Variants in CASP9 observed in about 807,000 individuals in gnomAD.
CASP9 encodes the protein caspase 9.
A neutral mutation model predicts 43.5 loss-of-function variants in CASP9; 29 were observed. The ratio of observed to expected loss-of-function variants is 0.67; its 90% CI spans 0.50 to 0.91. The LOEUF (loss-of-function observed/expected upper bound fraction) is 0.91. Ranked by LOEUF, CASP9 falls within the 40% of genes least tolerant of loss-of-function variation. CASP9 has a pLI of 0.00. For missense variants in CASP9, 575 were observed against 537.4 expected (o/e 1.07, Z -0.69); for synonymous variants, 206 against 211.9 (o/e 0.97, Z 0.24).
chr1:15,509,253 G>A (rs1709641539), intron 2 of CASP9, among the ~76,000 whole-genome samples: 1 of 152,086 alleles, frequency 6.6e-6, no homozygotes. Flanking sequence ...TGGCTGTGAA[G>A]ACAATGAATC....
intron 6 of CASP9, among the ~76,000 whole-genome samples, chr1:15,496,169 A>G (rs2103328374): frequency 7.0e-6 from 1 of 142,440 alleles, no homozygotes; most frequent in African/African-American, 2.8e-5. Context: ...AAAACCCTAC[A>G]TCATCATCTC....
Position 15,492,800 on chromosome 1 carries a change from G to T in CASP9, c.*143C>A. ...TCAATCTGGAAGCTGCTAAGAGCCTGTCTGTCACTGGCAGAGAAAGAGCAG... is the reference window on the plus strand; with the variant it reads ...TCAATCTGGAAGCTGCTAAGAGCCTTTCTGTCACTGGCAGAGAAAGAGCAG... On this transcript the variant is annotated 3_prime_UTR_variant, in exon 9 of 9. Coordinates refer to ENST00000333868, the MANE Select transcript of CASP9 (RefSeq NM_001229.5). 1 of 1,150,344 alleles carries T rather than the reference G, an allele frequency of 8.7e-7. No homozygotes were observed. Among genetic ancestry groups the T allele is most frequent in the Non-Finnish European group, 1.2e-6 (1 of 814,166 alleles). 71.3% of individuals were successfully genotyped at this position (1,150,344 alleles called of 1,614,324 possible).
Position 15,491,525 on chromosome 1 carries a change from AG to A in CASP9, c.*1417del. Reference sequence around the variant, plus strand: ...GTAACCCCTGCACTTTGGGAGGCTAAGGCAGGCTGATCGCTTGAGTCCAGGA... The same window carrying A: ...GTAACCCCTGCACTTTGGGAGGCTAAGCAGGCTGATCGCTTGAGTCCAGGA... On this transcript the variant is annotated 3_prime_UTR_variant, in exon 9 of 9. Coordinates refer to ENST00000333868, the MANE Select transcript of CASP9 (RefSeq NM_001229.5). 1 of 579,602 alleles carries A rather than the reference AG, an allele frequency of 1.7e-6. No individual in the cohort carries two copies. The highest frequency in any genetic ancestry group is 3.0e-6 in the Non-Finnish European group (1 of 334,072). The allele number at this position is 579,602 out of a possible 1,614,324, so 35.9% of individuals were successfully genotyped here. A position where few individuals can be genotyped will look rare whatever the true frequency, so the allele number is the denominator to read the frequency against.
At chr1:15,501,394 A>G (rs1451643752) in intron 6 of CASP9, among the ~76,000 whole-genome samples, 1 of 151,758 alleles carries the variant, frequency 6.6e-6, no homozygotes, top group Non-Finnish European at 1.5e-5. Context: ...TAAATTATTT[A>G]TTATTATATT....
intron 6 of CASP9, among the ~76,000 whole-genome samples, chr1:15,500,595 C>A (rs547144629): frequency 6.6e-6 from 1 of 152,294 alleles, no homozygotes; most frequent in South Asian, 2.1e-4. Flanking sequence ...AGGCCCCCAG[C>A]CTCCAAAGGG....
intron 1 of CASP9, among the ~76,000 whole-genome samples, chr1:15,518,880 T>G (rs35898948): frequency 0.27 from 41,442 of 151,722 alleles, 6,481 homozygotes; most frequent in African/African-American, 0.42. Flanking sequence ...TTTTGTTTTT[T>G]TTTTTTTTTC....
At chr1:15,508,910 T>A (rs567550423) in intron 2 of CASP9, among the ~76,000 whole-genome samples, 3 of 152,336 alleles carry the variant, frequency 2.0e-5, no homozygotes, top group African/African-American at 7.2e-5. Context: ...GTAGGCAACA[T>A]GGCACTGGCC....
chr1:15,522,228 G>C (rs1218386760), intron 1 of CASP9, among the ~76,000 whole-genome samples: 1 of 152,234 alleles, frequency 6.6e-6, no homozygotes, highest in Non-Finnish European at 1.5e-5. Flanking sequence ...TTTACAACTT[G>C]CTAATATGTA....
chr1:15,506,821 G>T, intron 4 of CASP9, 78 bp downstream of exon 4: 1 of 1,275,000 alleles, frequency 7.8e-7, no homozygotes, highest in Non-Finnish European at 1.1e-6. Flanking sequence ...GGAGTCAGCT[G>T]GCTTTTGGAG....
chr1:15,524,475 C>A (rs1263576836), upstream of CASP9: 52 of 883,490 alleles, frequency 5.9e-5, no homozygotes, highest in Middle Eastern at 1.3e-3. Flanking sequence ...CCCCAGAACA[C>A]GCTCCGCGTC....
intron 1 of CASP9, among the ~76,000 whole-genome samples, chr1:15,523,172 G>C (rs569234096): frequency 6.6e-6 from 1 of 152,172 alleles, no homozygotes; most frequent in Non-Finnish European, 1.5e-5. Context: ...TCTGCATCAG[G>C]TCCCCTCATT....
chr1:15,505,504 T>G (rs894092815), intron 5 of CASP9, among the ~76,000 whole-genome samples: 1 of 152,204 alleles, frequency 6.6e-6, no homozygotes, highest in East Asian at 1.9e-4. Context: ...CTTATAACTG[T>G]GATCTGTCCA....
chr1:15,502,440 G>C (rs1340644290), intron 6 of CASP9, among the ~76,000 whole-genome samples: 1 of 152,130 alleles, frequency 6.6e-6, no homozygotes, highest in Admixed American at 6.5e-5. Context: ...GGGCAATATA[G>C]TGAGACCCCC....
In CASP9 at chr1:15,492,358, T is replaced by C. The variant is rs1036583494; in HGVS notation, c.*585A>G. The stretch of plus-strand genomic sequence containing the variant: ...TTTTTAAAATTTCACTTAGAATTCA[T>C]AGATTACAGCTGTTCAGACTCTAGT... On this transcript the variant is annotated 3_prime_UTR_variant, in exon 9 of 9. Transcript: ENST00000333868. 6.6e-6 allele frequency: 1 copy of C among 152,262 alleles called. No individual in the cohort carries two copies. The highest frequency in any genetic ancestry group is 2.4e-5 in the African/African-American group (1 of 41,450). 9.4% of individuals were successfully genotyped at this position (152,262 alleles called of 1,614,324 possible).
chr1:15,524,223 C>T, upstream of CASP9: 1 of 1,534,446 alleles, frequency 6.5e-7, no homozygotes, highest in Non-Finnish European at 8.7e-7. Flanking sequence ...ACTAAGACTC[C>T]AGGCCGCCTC....
chr1:15,503,714 G>A (rs1031980709), intron 6 of CASP9, among the ~76,000 whole-genome samples: 1 of 152,334 alleles, frequency 6.6e-6, no homozygotes, highest in Non-Finnish European at 1.5e-5. Flanking sequence ...GTCACAGCTG[G>A]ACGAGCTGGA....
At chr1:15,520,334 A>G (rs1202376281) in intron 1 of CASP9, among the ~76,000 whole-genome samples, 1 of 152,222 alleles carries the variant, frequency 6.6e-6, no homozygotes, top group African/African-American at 2.4e-5. Flanking sequence ...TGAAGCCACA[A>G]ACTGTTTCAG....
At chr1:15,502,318 G>T (rs1331213403) in intron 6 of CASP9, among the ~76,000 whole-genome samples, 2 of 152,106 alleles carry the variant, frequency 1.3e-5, no homozygotes, top group Non-Finnish European at 2.9e-5. Flanking sequence ...CAGAAGGATG[G>T]ATGATTAAGA....
chr1:15,513,251 A>G (rs899154181), intron 2 of CASP9, among the ~76,000 whole-genome samples: 33 of 151,924 alleles, frequency 2.2e-4, no homozygotes, highest in African/African-American at 7.3e-4. Flanking sequence ...TTTACTAAGT[A>G]CCTGCTGAGT....
Sources: allele counts gnomAD v4.1 joint callset (sites outside exome capture counted in the v4.1 genomes callset), GRCh38; gene constraint gnomAD v4.1.1; transcripts MANE v1.5; gene names NCBI Gene and HGNC (gene_info 2026-07-23, HGNC 2026-07-21).